ST3GAL3: variants seen among roughly 807,000 people sequenced by gnomAD.
ST3GAL3 encodes the protein ST3 beta-galactoside alpha-2,3-sialyltransferase 3.
A neutral mutation model predicts 50.1 loss-of-function variants in ST3GAL3; 21 were observed. The observed-to-expected ratio is 0.42, with a 90% CI of 0.30 to 0.60. ST3GAL3 has a LOEUF of 0.60. Among genes scored for constraint, ST3GAL3 ranks in the 20% least tolerant of loss-of-function variants. The pLI is 0.19. For missense variants in ST3GAL3, 353 were observed against 489.4 expected, an observed-to-expected ratio of 0.72 and a Z score of 2.63; for synonymous variants, 183 against 190.0, an observed-to-expected ratio of 0.96 and a Z score of 0.30.
At chr1:43,729,089 C>CTTTTTTTT (rs71914132) in intron 1 of ST3GAL3, among the ~76,000 whole-genome samples, 3 of 117,438 alleles carry the variant, frequency 2.6e-5, no homozygotes, top group Non-Finnish European at 3.5e-5. Flanking sequence ...AATTATTTTT[C>CTTTTTTTT]TTTTTTTTTT....
chr1:43,802,224 A>T (rs1217698307), intron 3 of ST3GAL3, among the ~76,000 whole-genome samples: 1 of 152,178 alleles, frequency 6.6e-6, no homozygotes, highest in Non-Finnish European at 1.5e-5. Flanking sequence ...ATACTCTCTT[A>T]AAAAATACTC....
At chr1:43,801,672 G>C (rs1317161929) in intron 3 of ST3GAL3, 1 of 203,216 alleles carries the variant, frequency 4.9e-6, no homozygotes, top group Admixed American at 5.1e-5. Context: ...GTGATGAACA[G>C]GCCAGGTATG....
intron 9 of ST3GAL3, among the ~76,000 whole-genome samples, chr1:43,903,183 T>A (rs1288720465): frequency 6.6e-6 from 1 of 152,076 alleles, no homozygotes; most frequent in Non-Finnish European, 1.5e-5. Flanking sequence ...GAGGGTGGTG[T>A]GTCAGAGTGT....
chr1:43,924,780 G>T (rs1172420361), intron 11 of ST3GAL3, among the ~76,000 whole-genome samples: 2 of 152,244 alleles, frequency 1.3e-5, no homozygotes, highest in African/African-American at 2.4e-5. Flanking sequence ...TGATGAGACA[G>T]ACTCAAGAAA....
At chr1:43,850,566 T>TTTC (rs1386253644) in intron 5 of ST3GAL3, 3 of 724,712 alleles carry the variant, frequency 4.1e-6, no homozygotes, top group Middle Eastern at 2.8e-4. Context: ...CCGTAGAGTG[T>TTTC]TTCTATCATC....
chr1:43,767,458 G>T (rs1289117549), intron 2 of ST3GAL3, among the ~76,000 whole-genome samples: 1 of 152,064 alleles, frequency 6.6e-6, no homozygotes, highest in African/African-American at 2.4e-5. Flanking sequence ...TGAAGGGGAA[G>T]CCACAGACCA....
chr1:43,928,059 T>A (rs1195323853), intron 11 of ST3GAL3, among the ~76,000 whole-genome samples: 4 of 152,144 alleles, frequency 2.6e-5, no homozygotes, highest in Admixed American at 2.0e-4. Context: ...ACTACCTGAG[T>A]TTCAGATGTA....
At chr1:43,879,144 A>G (rs2074648596) in intron 5 of ST3GAL3, 1 of 448,190 alleles carries the variant, frequency 2.2e-6, no homozygotes. Context: ...TCTGAATGAA[A>G]ACATAGAACC....
intron 2 of ST3GAL3, among the ~76,000 whole-genome samples, chr1:43,756,323 AG>A (rs1341594011): frequency 6.6e-6 from 1 of 151,984 alleles, no homozygotes; most frequent in Admixed American, 6.6e-5. Flanking sequence ...GAAGGGAGGG[AG>A]GGATTGCAAA....
intron 2 of ST3GAL3, among the ~76,000 whole-genome samples, chr1:43,763,489 G>A (rs961432147): frequency 2.0e-5 from 3 of 152,096 alleles, no homozygotes; most frequent in Non-Finnish European, 4.4e-5. Flanking sequence ...AAATTTTTAG[G>A]TTATTAAATA....
chr1:43,878,378 A>G (rs2074481852), intron 5 of ST3GAL3, among the ~76,000 whole-genome samples: 1 of 152,218 alleles, frequency 6.6e-6, no homozygotes, highest in South Asian at 2.1e-4. Flanking sequence ...TTACCACAAG[A>G]TAAATGCCAT....
chr1:43,901,602 G>A (rs2078284842), intron 9 of ST3GAL3, among the ~76,000 whole-genome samples: 2 of 152,262 alleles, frequency 1.3e-5, no homozygotes, highest in African/African-American at 2.4e-5. Context: ...TCAGGAAGCA[G>A]ACAGCAGGGC....
intron 2 of ST3GAL3, among the ~76,000 whole-genome samples, chr1:43,779,099 G>T (rs148047383): frequency 7.1e-4 from 107 of 151,740 alleles, no homozygotes; most frequent in African/African-American, 2.5e-3. Flanking sequence ...CTGCCAGCAG[G>T]CCCAGCTAAT....
At chr1:43,803,847 T>A (rs2059589673) in intron 3 of ST3GAL3, among the ~76,000 whole-genome samples, 1 of 152,204 alleles carries the variant, frequency 6.6e-6, no homozygotes, top group Non-Finnish European at 1.5e-5. Flanking sequence ...GGGATTTGCA[T>A]CAGCCATGTC....
At chr1:43,760,418 G>A (rs552886497) in intron 2 of ST3GAL3, among the ~76,000 whole-genome samples, 188 of 152,256 alleles carry the variant, frequency 1.2e-3, no homozygotes, top group African/African-American at 4.2e-3. Flanking sequence ...CCCATAATGC[G>A]CAAATGACTA....
chr1:43,850,507 A>G, intron 5 of ST3GAL3: 1 of 644,286 alleles, frequency 1.6e-6, no homozygotes, highest in South Asian at 1.4e-5. Flanking sequence ...CCTTTTTCCA[A>G]AAGTCCAAGA....
At chr1:43,828,453 G>GA (rs1208515982) in intron 4 of ST3GAL3, among the ~76,000 whole-genome samples, 2 of 151,706 alleles carry the variant, frequency 1.3e-5, no homozygotes, top group Non-Finnish European at 3.0e-5. Flanking sequence ...TTAAGTGAAT[G>GA]AAAAAACAAG....
intron 2 of ST3GAL3, among the ~76,000 whole-genome samples, chr1:43,747,490 C>T: frequency 6.6e-6 from 1 of 151,760 alleles, no homozygotes; most frequent in Admixed American, 6.6e-5. Flanking sequence ...ATGCTGTCTC[C>T]AGGCATGCCA....
chr1:43,762,694 G>A (rs1170650985), intron 2 of ST3GAL3, among the ~76,000 whole-genome samples: 1 of 152,152 alleles, frequency 6.6e-6, no homozygotes, highest in East Asian at 1.9e-4. Context: ...TTATATATAG[G>A]TTTGCATACA....
Sources: gnomAD v4.1 joint callset for allele counts (sites outside exome capture counted in the v4.1 genomes callset) on GRCh38, gnomAD v4.1.1 for gene constraint, MANE v1.5 for transcripts, NCBI Gene and HGNC (gene_info 2026-07-23, HGNC 2026-07-21) for gene names.